SRGAP3: variants seen among roughly 807,000 people sequenced by gnomAD.
SRGAP3 encodes the protein SLIT-ROBO Rho GTPase activating protein 3.
In SRGAP3, 39 loss-of-function variants were observed where a neutral mutation model predicts 121.1. The ratio of observed to expected loss-of-function variants is 0.32; its 90% CI spans 0.25 to 0.42. The LOEUF (loss-of-function observed/expected upper bound fraction) is 0.42. Ranked by LOEUF, SRGAP3 falls within the 10% of genes least tolerant of loss-of-function variation. The pLI is 1.00. For missense variants in SRGAP3, 1,213 were observed against 1,470.6 expected (o/e 0.82, Z 2.86); for synonymous variants, 601 against 570.0 (o/e 1.05, Z -0.77).
At chr3:9,231,891 G>T (rs1487775598) in intron 1 of SRGAP3, among the ~76,000 whole-genome samples, 2 of 152,200 alleles carry the variant, frequency 1.3e-5, no homozygotes, top group East Asian at 3.8e-4. Flanking sequence ...GATGCAGAAT[G>T]AAGAATGCAG....
chr3:9,204,976 CCATAAA>C (rs1302011672), intron 1 of SRGAP3, among the ~76,000 whole-genome samples: 1 of 152,224 alleles, frequency 6.6e-6, no homozygotes, highest in Non-Finnish European at 1.5e-5. Context: ...CTTCCATGGG[CCATAAA>C]CATTGATCAC....
intron 1 of SRGAP3, among the ~76,000 whole-genome samples, chr3:9,164,818 G>C (rs1445973012): frequency 1.3e-5 from 2 of 152,206 alleles, no homozygotes; most frequent in Non-Finnish European, 2.9e-5. Flanking sequence ...ACCACACCTT[G>C]AGGTTAGGTG....
chr3:9,327,567 G>C (rs1955540292), intron 2 of SRGAP3, among the ~76,000 whole-genome samples: 1 of 152,156 alleles, frequency 6.6e-6, no homozygotes, highest in African/African-American at 2.4e-5. Flanking sequence ...GAAAATCTTG[G>C]TAAGTATAGG....
chr3:9,210,413 G>C (rs1952409684), intron 1 of SRGAP3, among the ~76,000 whole-genome samples: 2 of 152,050 alleles, frequency 1.3e-5, no homozygotes, highest in African/African-American at 4.8e-5. Flanking sequence ...CTTGAGCCGA[G>C]GAATTTGAGG....
At chr3:9,030,314 C>A (rs1409049909) in intron 12 of SRGAP3, among the ~76,000 whole-genome samples, 2 of 152,224 alleles carry the variant, frequency 1.3e-5, no homozygotes, top group African/African-American at 2.4e-5. Context: ...GTGCTCTGGG[C>A]TGTCGCTGCT....
intron 14 of SRGAP3, chr3:9,016,062 T>A: frequency 2.7e-6 from 1 of 365,964 alleles, no homozygotes; most frequent in South Asian, 2.7e-5. Flanking sequence ...TTTGTAGACA[T>A]CAAAACACAC....
intron 4 of SRGAP3, among the ~76,000 whole-genome samples, chr3:9,073,260 C>T (rs1269262835): frequency 2.0e-5 from 3 of 152,240 alleles, no homozygotes; most frequent in Admixed American, 6.5e-5. Flanking sequence ...CCTCCCACCT[C>T]AACCTCCCGG....
At chr3:9,004,154 A>T (rs1244068797) in intron 18 of SRGAP3, among the ~76,000 whole-genome samples, 4 of 152,172 alleles carry the variant, frequency 2.6e-5, no homozygotes, top group Non-Finnish European at 4.4e-5. Flanking sequence ...GCATAAAAAG[A>T]ATAAAATACA....
Position 9,345,023 on chromosome 3 carries a change from G to A in SRGAP3, n.215-14427C>T, listed in dbSNP as rs568018867. Among the ~76,000 whole-genome samples the A allele has an allele frequency of 7.6e-3, 1,153 of 151,486 alleles. 7 individuals carry two copies. The highest frequency in any genetic ancestry group is 0.011 in the Non-Finnish European group (749 of 67,880). ...CTGCACTCCAGCCTGGTGACAGAGC[G>A]AGACTCCGTCTCAAAAAAAAAAAGC... On this transcript the variant is annotated intron_variant and non_coding_transcript_variant, in intron 1 of 3. Coordinates refer to the SRGAP3 transcript ENST00000490889.
intron 1 of SRGAP3, among the ~76,000 whole-genome samples, chr3:9,357,199 C>T (rs1056498575): frequency 1.3e-5 from 2 of 151,888 alleles, no homozygotes; most frequent in South Asian, 2.1e-4. Context: ...GAGCTGAGAT[C>T]GCACCACTGC....
chr3:8,989,157 G>A (rs1941896457), intron 21 of SRGAP3, among the ~76,000 whole-genome samples: 1 of 152,230 alleles, frequency 6.6e-6, no homozygotes, highest in South Asian at 2.1e-4. Flanking sequence ...CAGTTTTCTA[G>A]ACTGCATTTG....
Position 8,982,436 on chromosome 3 carries a change from A to AGTT in SRGAP3, c.*3080_*3082dup. On this transcript the variant is annotated 3_prime_UTR_variant, in exon 22 of 22. Coordinates refer to ENST00000383836, the MANE Select transcript of SRGAP3 (RefSeq NM_014850.4). ...TACATTTCCCCCACACTCACTGTAC[A>AGTT]GTTAGGTATTTGTTTTTACATTGAT... is the stretch of plus-strand genomic sequence containing the variant. 1 of 223,266 alleles carries AGTT rather than the reference A, an allele frequency of 4.5e-6. No individual in the cohort carries two copies. Among genetic ancestry groups the AGTT allele is most frequent in the East Asian group, 6.5e-5 (1 of 15,308 alleles). 13.8% of individuals were successfully genotyped at this position (223,266 alleles called of 1,614,324 possible).
rs570921941 is a variant in SRGAP3, at chr3:9,201,300, C to T, written c.67+47585G>A. Among the ~76,000 whole-genome samples the T allele has an allele frequency of 9.9e-5, 15 of 152,258 alleles. No individual in the cohort carries two copies. In the South Asian group the frequency reaches 1.7e-3, roughly 17 times the overall value. On this transcript the variant is annotated intron_variant, in intron 1 of 21. Coordinates refer to ENST00000383836, the MANE Select transcript of SRGAP3 (RefSeq NM_014850.4). ...GAGGAAAAGGGACTGTAAGCTCCTC[C>T]GACATCCACTGGCCACTGACCCAGT...
chr3:9,347,848 A>T (rs1449909681), intron 1 of SRGAP3, among the ~76,000 whole-genome samples: 1 of 152,238 alleles, frequency 6.6e-6, no homozygotes, highest in Non-Finnish European at 1.5e-5. Flanking sequence ...TAATGTTACC[A>T]GCCTGAGAAA....
At chr3:9,297,505 T>C (rs1334082032) in intron 3 of SRGAP3, among the ~76,000 whole-genome samples, 1 of 152,014 alleles carries the variant, frequency 6.6e-6, no homozygotes, top group African/African-American at 2.4e-5. Context: ...TACCTCAGAA[T>C]GTGACTAAAT....
rs775863134 is a variant in SRGAP3 at position 9,028,102 on chromosome 3, G to T, written c.1540-1107C>A. The T allele has an allele frequency of 2.2e-5, 35 of 1,614,130 alleles. No individual in the cohort carries two copies. In the South Asian group the frequency reaches 3.8e-4, roughly 18 times the overall value. ...TAATGGGCCTTTCTAGTAAATACCT[G>T]GTTCCTGGTTCGAGCATTTCTTCTT... On this transcript the variant is annotated intron_variant, in intron 12 of 21. Transcript: ENST00000383836.
chr3:9,118,884 C>A (rs554748971), intron 2 of SRGAP3, among the ~76,000 whole-genome samples: 2 of 152,334 alleles, frequency 1.3e-5, no homozygotes, highest in South Asian at 4.1e-4. Flanking sequence ...ACACTTCACC[C>A]AGATGGCCTC....
chr3:9,022,076 C>T (rs1389574365), intron 14 of SRGAP3, among the ~76,000 whole-genome samples: 1 of 152,234 alleles, frequency 6.6e-6, no homozygotes, highest in East Asian at 1.9e-4. Context: ...CGCCTATAAT[C>T]CCAGCACTTT....
chr3:9,357,629 T>C (rs2030590731), intron 1 of SRGAP3, among the ~76,000 whole-genome samples: 1 of 151,604 alleles, frequency 6.6e-6, no homozygotes, highest in Non-Finnish European at 1.5e-5. Flanking sequence ...AAAATGGGCC[T>C]TACATTAGAG....
Sources: gnomAD v4.1 joint callset for allele counts (sites outside exome capture counted in the v4.1 genomes callset) on GRCh38, gnomAD v4.1.1 for gene constraint, MANE v1.5 for transcripts, NCBI Gene and HGNC (gene_info 2026-07-23, HGNC 2026-07-21) for gene names.